The following HFE variants were observed in gnomAD, a reference collection of about 807,000 sequenced individuals.
The protein encoded by HFE is homeostatic iron regulator.
Under a neutral mutation model 40.9 loss-of-function variants are expected in HFE, and 36 were observed. That is an observed-to-expected ratio of 0.88 (90% CI 0.67 to 1.16). HFE has a LOEUF of 1.16. Among genes scored for constraint, HFE ranks in the 50% most tolerant of loss-of-function variants. HFE has a pLI of 0.00. For missense variants in HFE, 376 were observed against 432.0 expected (o/e 0.87, Z 1.15); for synonymous variants, 157 against 165.4 (o/e 0.95, Z 0.39).
At chr6:26,092,561 G>A (rs939928760) in intron 3 of HFE, 124 bp from the exon 4 acceptor site, 3 of 1,574,436 alleles carry the variant, frequency 1.9e-6, no homozygotes, top group East Asian at 4.5e-5. Flanking sequence ...TGTCTCTCCT[G>A]TAGCTTGTTT....
At chr6:26,091,257 G>A in intron 2 of HFE, 57 bp from the exon 3 acceptor site, 1 of 1,612,436 alleles carries the variant, frequency 6.2e-7, no homozygotes, top group African/African-American at 1.3e-5. Context: ...CTTGGGGATG[G>A]TGGAAATAGG....
At chr6:26,090,125 G>A (rs879469631) in intron 1 of HFE, among the ~76,000 whole-genome samples, 2 of 152,000 alleles carry the variant, frequency 1.3e-5, no homozygotes, top group Non-Finnish European at 2.9e-5. Context: ...AAGTGGTGAG[G>A]CCACATAGGC....
Position 26,094,671 on chromosome 6 carries a change from G to T in HFE, c.*445G>T, listed in dbSNP as rs1320940519. On this transcript the variant is annotated 3_prime_UTR_variant, in exon 6 of 6. Transcript: ENST00000357618. ...ACCAGATTTTTACACATGTATCTAT[G>T]CATTTTCTGGACCCGTTCAACTTTT... 3.2e-5 allele frequency: 18 copies of T among 562,446 alleles called. No individual in the cohort carries two copies. In the Admixed American group the frequency reaches 5.5e-4, roughly 17 times the overall value. 34.8% of individuals were successfully genotyped at this position (562,446 alleles called of 1,614,324 possible).
intron 4 of HFE, 23 bp from the exon 5 acceptor site, chr6:26,093,096 T>G: frequency 3.1e-6 from 5 of 1,613,542 alleles, no homozygotes; most frequent in Non-Finnish European, 4.2e-6. Flanking sequence ...ATCAAAGGCT[T>G]TAACTTGCTT....
intron 1 of HFE, among the ~76,000 whole-genome samples, chr6:26,089,561 T>C (rs1581663301): frequency 6.6e-6 from 1 of 151,854 alleles, no homozygotes; most frequent in Non-Finnish European, 1.5e-5. Context: ...GTGGGCTGGG[T>C]GGGAACAGAA....
chr6:26,091,107 A>G lies in HFE; in HGVS notation c.340+3A>G. 6.2e-7 allele frequency: 1 copy of G among 1,614,198 alleles called. No homozygotes were observed. The highest frequency in any genetic ancestry group is 1.1e-5 in the South Asian group (1 of 91,084). ...GGAAAATCACAACCACAGCAAGGGTATGTGGAGAGGGGGCCTCACCTTCCT... is the reference window on the plus strand; with the variant it reads ...GGAAAATCACAACCACAGCAAGGGTGTGTGGAGAGGGGGCCTCACCTTCCT... On this transcript the variant is annotated splice_donor_region_variant and intron_variant, in intron 2 of 5. Transcript: ENST00000357618.
rs1352793260 is a variant in HFE, at chr6:26,092,747, G to C, written c.679G>C (p.Ala227Pro). ...TSSVTTLRCR[A>P]LNYYPQNITM... ...TTCAGTGACCACTCTACGGTGTCGG[G>C]CCTTGAACTACTACCCCCAGAACAT... The change falls in exon 4 of 6, where the codon GCC (alanine) becomes CCC (proline). Residue 227 changes from alanine to proline, a missense_variant. Ala to Pro is a conservative substitution (Grantham distance 27). Coordinates refer to ENST00000357618, the MANE Select transcript of HFE (RefSeq NM_000410.4). 6.2e-7 allele frequency: 1 copy of C among 1,614,056 alleles called. No individual in the cohort carries two copies. The highest frequency in any genetic ancestry group is 8.5e-7 in the Non-Finnish European group (1 of 1,180,044).
rs1316877148 is a variant in HFE at position 26,095,053 on chromosome 6, A to G, written c.*827A>G. On this transcript the variant is annotated 3_prime_UTR_variant, in exon 6 of 6. Transcript: ENST00000357618. ...CTACCTGGTCTCTCCTTGTTCTGAT[A>G]ATGAAAATTATGATAAGGATGATAA... 1 of 153,538 alleles carries G rather than the reference A, an allele frequency of 6.5e-6. No individual in the cohort carries two copies. The highest frequency in any genetic ancestry group is 1.4e-5 in the Non-Finnish European group (1 of 68,974). The allele number at this position is 153,538 out of a possible 1,614,324, so 9.5% of individuals were successfully genotyped here.
In HFE at chr6:26,095,512, A is replaced by AT. The variant is rs1288418473; in HGVS notation, c.*1286_*1287insT. ...TCAAAAAAATAAAAATAAAAATAAA[A>AT]AAATGAAAAAAAAAAGAAAGTGAAG... On this transcript the variant is annotated 3_prime_UTR_variant, in exon 6 of 6. Transcript: ENST00000357618. 2 of 151,590 alleles carry AT rather than the reference A, an allele frequency of 1.3e-5. No homozygotes were observed. Among genetic ancestry groups the AT allele is most frequent in the Non-Finnish European group, 2.9e-5 (2 of 67,910 alleles). The allele number at this position is 151,590 out of a possible 1,614,324, so 9.4% of individuals were successfully genotyped here.
Position 26,091,064 on chromosome 6 carries a change from T to A in HFE, c.300T>A (p.Val100=). The A allele has an allele frequency of 6.2e-7, 1 of 1,614,204 alleles. No homozygotes were observed. The change falls in exon 2 of 6, where the codon GTT becomes GTA. Residue 100 remains valine, a synonymous_variant. Coordinates refer to ENST00000357618, the MANE Select transcript of HFE (RefSeq NM_000410.4). ...SLKGWDHMFT[V]DFWTIMENHN... ...AAGGGTGGGATCACATGTTCACTGT[T>A]GACTTCTGGACTATTATGGAAAATC...
At position 26,094,596 on chromosome 6, in the gene HFE, T is replaced by C; in HGVS notation, c.*370T>C. On this transcript the variant is annotated 3_prime_UTR_variant, in exon 6 of 6. Coordinates refer to ENST00000357618, the MANE Select transcript of HFE (RefSeq NM_000410.4). ...TTTGGGGGACTTACATGATTCATTT[T>C]AACATCTGAGAAAAGCTTTGAACCC... 1 of 633,890 alleles carries C rather than the reference T, an allele frequency of 1.6e-6. No individual in the cohort carries two copies. Among genetic ancestry groups the C allele is most frequent in the South Asian group, 1.8e-5 (1 of 55,042 alleles). 39.3% of individuals were successfully genotyped at this position (633,890 alleles called of 1,614,324 possible).
intron 1 of HFE, among the ~76,000 whole-genome samples, chr6:26,088,978 CA>C (rs1393148878): frequency 6.6e-6 from 1 of 151,910 alleles, no homozygotes; most frequent in East Asian, 1.9e-4. Flanking sequence ...CTGGGGCTGA[CA>C]CTTGAGCAGA....
chr6:26,092,690 C>G lies in HFE; in HGVS notation c.622C>G (p.Pro208Ala), dbSNP rs866376221. ...GRGVLDQQVP[P>A]LVKVTHHVTS... ...CCTTCCTCTTTCCTGTCAAGTGCCT[C>G]CTTTGGTGAAGGTGACACATCATGT... Residue 208 changes from proline (P) to alanine (A), a missense_variant, in exon 4 of 6, where the codon CCT becomes GCT. Around this residue, in one of 3 missense-constraint regions of HFE, gnomAD observed 173 missense variants for 186.9 expected, o/e 0.93. Transcript: ENST00000357618. The G allele has an allele frequency of 6.2e-7, 1 of 1,614,204 alleles. No individual in the cohort carries two copies. The highest frequency in any genetic ancestry group is 8.5e-7 in the Non-Finnish European group (1 of 1,180,042).
rs1271168523 is a variant in HFE, at chr6:26,091,463, C to G, written c.490C>G (p.Pro164Ala). ...GAGAGCAGCAGAACCCAGGGCCTGG[C>G]CCACCAAGCTGGAGTGGGAAAGGCA... Reference protein sequence around the residue: ...DWRAAEPRAWPTKLEWERHKI... With the variant: ...DWRAAEPRAWATKLEWERHKI... The change falls in exon 3 of 6, where the codon CCC becomes GCC. Residue 164 changes from proline to alanine, a missense_variant. Physicochemically the swap from Pro to Ala is conservative, Grantham distance 27. Transcript: ENST00000357618. The G allele has an allele frequency of 6.2e-7, 1 of 1,614,110 alleles. No individual in the cohort carries two copies. Among genetic ancestry groups the G allele is most frequent in the Non-Finnish European group, 8.5e-7 (1 of 1,180,010 alleles).
intron 1 of HFE, 128 bp from the exon 2 acceptor site, chr6:26,090,713 T>G: frequency 1.0e-6 from 1 of 986,050 alleles, no homozygotes. Context: ...AAGACAGGAC[T>G]GCAACTCACC....
At chr6:26,092,173 T>TAAAAAAAAAAAAAAAAAAAAAAA in intron 3 of HFE, among the ~76,000 whole-genome samples, 1 of 98,744 alleles carries the variant, frequency 1.0e-5, no homozygotes, top group Non-Finnish European at 1.9e-5. Flanking sequence ...GACTCCATCT[T>TAAAAAAAAAAAAAAAAAAAAAAA]AAAAAAAAAA....
chr6:26,093,321 A>G, intron 5 of HFE, 89 bp downstream of exon 5: 4 of 903,972 alleles, frequency 4.4e-6, no homozygotes, highest in Non-Finnish European at 7.3e-6. Context: ...ATCCATGGGA[A>G]GCATTTTTCT....
intron 1 of HFE, among the ~76,000 whole-genome samples, 186 bp downstream of exon 1, chr6:26,087,702 G>A (rs997225495): frequency 5.3e-5 from 8 of 152,130 alleles, no homozygotes; most frequent in African/African-American, 1.7e-4. Flanking sequence ...CTGCAGATAG[G>A]GGTCCCTCGC....
At chr6:26,089,135 G>GGGGGGGGGGGGA (rs1762499240) in intron 1 of HFE, among the ~76,000 whole-genome samples, 1 of 91,086 alleles carries the variant, frequency 1.1e-5, no homozygotes, top group Non-Finnish European at 2.2e-5. Context: ...GTGGGGGTGG[G>GGGGGGGGGGGGA]AAGGGGGACT....
Sources: allele counts gnomAD v4.1 joint callset (sites outside exome capture counted in the v4.1 genomes callset), GRCh38; gene constraint gnomAD v4.1.1; regional missense constraint gnomAD v4.1.1; transcripts MANE v1.5; gene names NCBI Gene and HGNC (gene_info 2026-07-23, HGNC 2026-07-21).